DIP2B: variants seen among roughly 807,000 people sequenced by gnomAD.
The protein encoded by DIP2B is DIP2 acetate--CoA ligase B (putative).
A neutral mutation model predicts 198.0 loss-of-function variants in DIP2B; 76 were observed. That is an observed-to-expected ratio of 0.38 (90% CI 0.32 to 0.46). The LOEUF (loss-of-function observed/expected upper bound fraction) is 0.46. Among genes scored for constraint, DIP2B ranks in the 20% least tolerant of loss-of-function variants. The pLI is 0.99. For missense variants in DIP2B, 1,559 were observed against 1,978.4 expected (o/e 0.79, Z 4.02); for synonymous variants, 701 against 739.1 (o/e 0.95, Z 0.84).
chr12:50,521,340 C>T (rs910258805), intron 1 of DIP2B, among the ~76,000 whole-genome samples: 4 of 151,670 alleles, frequency 2.6e-5, no homozygotes, highest in East Asian at 3.9e-4. Flanking sequence ...CTCTTGACCT[C>T]GTGATCCACC....
intron 1 of DIP2B, among the ~76,000 whole-genome samples, chr12:50,508,712 CTT>C (rs35206160): frequency 6.8e-6 from 1 of 146,852 alleles, no homozygotes; most frequent in African/African-American, 2.5e-5. Context: ...GAAATGCTAC[CTT>C]TTTTTTTTTT....
At chr12:50,733,254 C>CT (rs10538769) in intron 32 of DIP2B, among the ~76,000 whole-genome samples, 16 of 137,324 alleles carry the variant, frequency 1.2e-4, no homozygotes, top group African/African-American at 4.1e-4. Flanking sequence ...TTTTTTCTTT[C>CT]TTTTTTTTTT....
intron 11 of DIP2B, 64 bp downstream of exon 11, chr12:50,686,020 T>G: frequency 6.7e-7 from 1 of 1,499,636 alleles, no homozygotes; most frequent in South Asian, 1.2e-5. Context: ...ATTAGCTTTT[T>G]AATTTAGTAA....
At chr12:50,706,742 A>G in intron 21 of DIP2B, 77 bp downstream of exon 21, 1 of 1,523,990 alleles carries the variant, frequency 6.6e-7, no homozygotes, top group Non-Finnish European at 8.9e-7. Flanking sequence ...TTTCAGTGGT[A>G]TTTTGTAGGT....
chr12:50,736,288 CTG>C (rs760062390), intron 34 of DIP2B, among the ~76,000 whole-genome samples: 1 of 152,220 alleles, frequency 6.6e-6, no homozygotes, highest in Non-Finnish European at 1.5e-5. Flanking sequence ...GAGCATTAGC[CTG>C]TGCCCACCCT....
At chr12:50,559,313 CTTTTTTT>C (rs11301460) in intron 1 of DIP2B, among the ~76,000 whole-genome samples, 1 of 123,040 alleles carries the variant, frequency 8.1e-6, no homozygotes. Context: ...AATTATTTGT[CTTTTTTT>C]TTTTTTTTTT....
intron 35 of DIP2B, 90 bp downstream of exon 35, chr12:50,737,200 A>C: frequency 8.0e-7 from 1 of 1,253,708 alleles, no homozygotes; most frequent in Non-Finnish European, 1.1e-6. Flanking sequence ...CTGTGGATTT[A>C]GCTTTCCCCC....
intron 3 of DIP2B, among the ~76,000 whole-genome samples, chr12:50,651,854 G>A (rs912514571): frequency 4.1e-4 from 62 of 152,082 alleles, no homozygotes; most frequent in African/African-American, 1.4e-3. Flanking sequence ...ACTTCTGTGA[G>A]CCACCATGCC....
chr12:50,556,422 C>T (rs1290082978), intron 1 of DIP2B, among the ~76,000 whole-genome samples: 1 of 152,062 alleles, frequency 6.6e-6, no homozygotes, highest in East Asian at 1.9e-4. Context: ...ACATCATATT[C>T]CTTGTAGTGT....
intron 19 of DIP2B, among the ~76,000 whole-genome samples, 197 bp downstream of exon 19, chr12:50,699,399 A>G (rs948362830): frequency 1.3e-5 from 2 of 152,154 alleles, no homozygotes; most frequent in Non-Finnish European, 2.9e-5. Flanking sequence ...CCTGTGCCCC[A>G]ATTTCCTTAT....
chr12:50,739,467 C>T lies in DIP2B; in HGVS notation c.4235C>T (p.Thr1412Ile). The change falls in exon 36 of 38, where the codon ACT becomes ATT. Residue 1412 changes from threonine to isoleucine, a missense_variant. Transcript: ENST00000301180. ...SGYYTIYDSE[T>I]LQADHFNTRL... ...TACTACACCATCTATGATAGCGAGA[C>T]TCTTCAAGCTGATCATTTCAACACT... is the stretch of plus-strand genomic sequence containing the variant. 6.2e-7 allele frequency: 1 copy of T among 1,614,216 alleles called. No homozygotes were observed. The highest frequency in any genetic ancestry group is 8.5e-7 in the Non-Finnish European group (1 of 1,180,034).
At chr12:50,527,951 A>G (rs918276089) in intron 1 of DIP2B, among the ~76,000 whole-genome samples, 1 of 147,618 alleles carries the variant, frequency 6.8e-6, no homozygotes, top group African/African-American at 2.5e-5. Context: ...TTTTGGAGAC[A>G]GAGTCTTAGT....
chr12:50,638,327 A>G (rs1938194644), intron 2 of DIP2B, among the ~76,000 whole-genome samples: 1 of 152,226 alleles, frequency 6.6e-6, no homozygotes, highest in Non-Finnish European at 1.5e-5. Flanking sequence ...ATTGTAAAGA[A>G]ATAGAGTACC....
intron 1 of DIP2B, among the ~76,000 whole-genome samples, chr12:50,586,723 C>T (rs1388139837): frequency 2.0e-5 from 3 of 152,072 alleles, no homozygotes; most frequent in Non-Finnish European, 4.4e-5. Context: ...CAGGTGTATG[C>T]CACCACGCCC....
At chr12:50,554,635 A>G (rs1210593456) in intron 1 of DIP2B, among the ~76,000 whole-genome samples, 3 of 152,016 alleles carry the variant, frequency 2.0e-5, no homozygotes, top group African/African-American at 7.3e-5. Flanking sequence ...AGCCGTCTCT[A>G]GTTTCTTAGG....
At chr12:50,691,718 G>A (rs756315702) in intron 13 of DIP2B, among the ~76,000 whole-genome samples, 20 of 151,784 alleles carry the variant, frequency 1.3e-4, no homozygotes, top group Middle Eastern at 3.4e-3. Flanking sequence ...ATATATATAC[G>A]CACACATAAT....
chr12:50,596,681 A>C (rs1213731359), intron 1 of DIP2B, among the ~76,000 whole-genome samples: 2 of 152,204 alleles, frequency 1.3e-5, no homozygotes, highest in African/African-American at 4.8e-5. Flanking sequence ...CCTGGGCAAC[A>C]TGGCGAAACC....
chr12:50,531,339 CACCCAGCCA>C (rs543302618), intron 1 of DIP2B, among the ~76,000 whole-genome samples: 2 of 152,146 alleles, frequency 1.3e-5, no homozygotes, highest in South Asian at 4.1e-4. Flanking sequence ...TGAGCCGCTG[CACCCAGCCA>C]AGGAGAGCAT....
intron 33 of DIP2B, 29 bp downstream of exon 33, chr12:50,734,225 C>T (rs1357760316): frequency 3.7e-6 from 6 of 1,610,962 alleles, no homozygotes; most frequent in African/African-American, 2.7e-5. Flanking sequence ...TGCTCCTTTC[C>T]TACTAGTTCC....
Sources: gnomAD v4.1 joint callset for allele counts (sites outside exome capture counted in the v4.1 genomes callset) on GRCh38, gnomAD v4.1.1 for gene constraint, MANE v1.5 for transcripts, NCBI Gene and HGNC (gene_info 2026-07-23, HGNC 2026-07-21) for gene names.